VAV3: variants seen among roughly 807,000 people sequenced by gnomAD.
VAV3 encodes guanine nucleotide exchange factor VAV3.
VAV3 carries 94 observed loss-of-function variants against 131.2 expected under a neutral mutation model. The ratio of observed to expected loss-of-function variants is 0.72; its 90% confidence interval spans 0.61 to 0.85. VAV3 has a LOEUF of 0.85. Among genes scored for constraint, VAV3 ranks in the 40% least tolerant of loss-of-function variants. The pLI is 0.00. For synonymous variants in VAV3, 349 were observed against 342.0 expected (o/e 1.02, Z -0.22); for missense variants, 939 against 1,002.7 (o/e 0.94, Z 0.86).
chr1:107,607,951 G>A (rs1370298097), intron 22 of VAV3, among the ~76,000 whole-genome samples: 1 of 152,060 alleles, frequency 6.6e-6, no homozygotes, highest in African/African-American at 2.4e-5. Context: ...AAAATTGAAG[G>A]TTCTATTTTC....
intron 4 of VAV3, among the ~76,000 whole-genome samples, chr1:107,776,069 T>C (rs1044973690): frequency 1.3e-5 from 2 of 152,220 alleles, no homozygotes; most frequent in African/African-American, 4.8e-5. Context: ...GAAGATATAA[T>C]AACAACCTAG....
chr1:107,946,652 T>C (rs147851232), intron 1 of VAV3, among the ~76,000 whole-genome samples: 29 of 152,318 alleles, frequency 1.9e-4, no homozygotes, highest in African/African-American at 6.0e-4. Context: ...CTGAAAATAA[T>C]CCAAATAACT....
intron 15 of VAV3, 95 bp from the exon 16 acceptor site, chr1:107,705,156 G>A: frequency 3.1e-6 from 3 of 965,978 alleles, no homozygotes; most frequent in East Asian, 2.6e-5. Context: ...ATGACATCAG[G>A]TAGAGATCTG....
chr1:107,816,079 C>T (rs1667548351), intron 2 of VAV3, among the ~76,000 whole-genome samples: 1 of 152,150 alleles, frequency 6.6e-6, no homozygotes, highest in South Asian at 2.1e-4. Flanking sequence ...CTCGCTCATC[C>T]ACCCCTCACC....
chr1:107,829,366 G>T (rs1668148934), intron 2 of VAV3, among the ~76,000 whole-genome samples: 2 of 152,092 alleles, frequency 1.3e-5, no homozygotes, highest in Non-Finnish European at 2.9e-5. Context: ...GCTGCATTCT[G>T]TCAGCAAGCC....
chr1:107,581,956 G>A (rs1650084244), intron 25 of VAV3, among the ~76,000 whole-genome samples: 1 of 152,200 alleles, frequency 6.6e-6, no homozygotes, highest in African/African-American at 2.4e-5. Context: ...TAAGTTGCTT[G>A]CTAAGTATTC....
chr1:107,861,213 G>A (rs1669723266), intron 2 of VAV3, among the ~76,000 whole-genome samples: 1 of 151,610 alleles, frequency 6.6e-6, no homozygotes, highest in Non-Finnish European at 1.5e-5. Context: ...ACACGTCTAT[G>A]TATTTGGAGA....
rs143654589 is a variant in VAV3 at position 107,741,450 on chromosome 1, G to A, written c.1502+7518C>T. 7.9e-5 allele frequency among the ~76,000 whole-genome samples: 12 copies of A among 152,282 alleles called. No homozygotes were observed. In the East Asian group the frequency reaches 1.9e-3, roughly 25 times the overall value. On this transcript the variant is annotated intron_variant, in intron 15 of 26. Coordinates refer to ENST00000370056, the MANE Select transcript of VAV3 (RefSeq NM_006113.5). The stretch of plus-strand genomic sequence containing the variant: ...CCTCTGCAGGGAGCAGTGCAGGGTG[G>A]GGAGGGTCATGCTCCAGGTGCTGCT...
intron 1 of VAV3, among the ~76,000 whole-genome samples, chr1:107,880,899 T>C (rs1403617935): frequency 6.6e-6 from 1 of 152,214 alleles, no homozygotes; most frequent in Non-Finnish European, 1.5e-5. Context: ...GCTTGCTATG[T>C]GTCAAGCTCT....
chr1:107,834,792 G>T lies in VAV3; in HGVS notation c.321+40109C>A, dbSNP rs1366123375. ...GAAGCTGGGAACTCTGCATGGGGTTGCTGAATGCCAGGACTAGTTCCTGGC... is the reference window on the plus strand; with the variant it reads ...GAAGCTGGGAACTCTGCATGGGGTTTCTGAATGCCAGGACTAGTTCCTGGC... On this transcript the variant is annotated intron_variant, in intron 2 of 26. Coordinates refer to ENST00000370056, the MANE Select transcript of VAV3 (RefSeq NM_006113.5). 3.3e-5 allele frequency among the ~76,000 whole-genome samples: 5 copies of T among 152,228 alleles called. No individual in the cohort carries two copies. In the East Asian group the frequency reaches 9.7e-4, roughly 30 times the overall value.
intron 4 of VAV3, among the ~76,000 whole-genome samples, chr1:107,774,129 C>T (rs746785230): frequency 2.3e-4 from 35 of 152,070 alleles, no homozygotes; most frequent in Non-Finnish European, 4.7e-4. Flanking sequence ...TACGGTGGTG[C>T]AGTCTTGGCT....
chr1:107,591,435 AAATGAATG>A (rs964845388), intron 25 of VAV3, among the ~76,000 whole-genome samples: 1 of 150,466 alleles, frequency 6.6e-6, no homozygotes, highest in African/African-American at 2.5e-5. Flanking sequence ...ATGAATGAAT[AAATGAATG>A]AATGAATGAA....
chr1:107,961,986 A>C (rs1199150240), intron 1 of VAV3, among the ~76,000 whole-genome samples: 3 of 152,240 alleles, frequency 2.0e-5, no homozygotes, highest in Non-Finnish European at 4.4e-5. Context: ...CTTTCAGGAA[A>C]GCTAAACAGG....
chr1:107,660,163 G>T (rs1656903047), intron 19 of VAV3, among the ~76,000 whole-genome samples: 1 of 151,990 alleles, frequency 6.6e-6, no homozygotes, highest in South Asian at 2.1e-4. Context: ...ACTTGTTCCA[G>T]TTTCAGGTCA....
At chr1:107,956,347 C>CT (rs1245277478) in intron 1 of VAV3, among the ~76,000 whole-genome samples, 2 of 152,100 alleles carry the variant, frequency 1.3e-5, no homozygotes, top group Non-Finnish European at 2.9e-5. Context: ...AGTTCTCAAA[C>CT]TTTTTTTTCC....
At chr1:107,791,115 TA>T (rs1259476307) in intron 2 of VAV3, among the ~76,000 whole-genome samples, 1 of 152,128 alleles carries the variant, frequency 6.6e-6, no homozygotes, top group African/African-American at 2.4e-5. Flanking sequence ...GACACCAAAA[TA>T]TATACCTCCT....
At chr1:107,820,622 A>C (rs746022011) in intron 2 of VAV3, among the ~76,000 whole-genome samples, 12 of 152,200 alleles carry the variant, frequency 7.9e-5, no homozygotes, top group Non-Finnish European at 1.8e-4. Context: ...TAATTGGAAT[A>C]TTTATAACAC....
At chr1:107,961,357 C>T (rs1675073190) in intron 1 of VAV3, among the ~76,000 whole-genome samples, 1 of 152,158 alleles carries the variant, frequency 6.6e-6, no homozygotes, top group Admixed American at 6.5e-5. Context: ...TCCACAGGCA[C>T]ACCCCCAGCC....
At chr1:107,796,711 C>G (rs567075182) in intron 2 of VAV3, among the ~76,000 whole-genome samples, 3 of 151,204 alleles carry the variant, frequency 2.0e-5, no homozygotes, top group African/African-American at 7.3e-5. Context: ...AAAATAAATT[C>G]CTGGGAATCA....
Sources: allele counts gnomAD v4.1 joint callset (sites outside exome capture counted in the v4.1 genomes callset), GRCh38; gene constraint gnomAD v4.1.1; transcripts MANE v1.5; gene names NCBI Gene and HGNC (gene_info 2026-07-23, HGNC 2026-07-21).